Variants in RTL4 observed in about 807,000 individuals in gnomAD.
RTL4 encodes retrotransposon Gag-like protein 4.
In RTL4, 4 loss-of-function variants were observed where a neutral mutation model predicts 5.3. The ratio of observed to expected loss-of-function variants is 0.75; its 90% CI spans 0.37 to 1.72. RTL4 has a LOEUF of 1.72. Ranked by LOEUF, RTL4 falls within the 40% of genes most tolerant of loss-of-function variation. The pLI is 0.04. For synonymous variants in RTL4, 98 were observed against 87.3 expected (o/e 1.12, Z -0.68); for missense variants, 260 against 227.1 (o/e 1.14, Z -0.93).
chrX:112,429,974 T>C, the RTL4 span, among the ~76,000 whole-genome samples: 1 of 111,385 alleles, frequency 9.0e-6, no homozygotes, highest in African/African-American at 3.3e-5. Context: ...TGAGGATATT[T>C]ATTTATCTTT....
the RTL4 span, among the ~76,000 whole-genome samples, chrX:112,290,389 A>G: frequency 8.9e-6 from 1 of 112,046 alleles, no homozygotes; most frequent in African/African-American, 3.2e-5. Flanking sequence ...AAATTTAAAA[A>G]ACGAGGAAAG....
At chrX:112,248,322 A>G in the RTL4 span, among the ~76,000 whole-genome samples, 1 of 112,420 alleles carries the variant, frequency 8.9e-6, no homozygotes, top group South Asian at 3.7e-4. Context: ...TTGTTGAGCA[A>G]ATAATGTGCA....
the RTL4 span, among the ~76,000 whole-genome samples, chrX:112,235,543 A>G: frequency 3.6e-5 from 4 of 112,265 alleles, no homozygotes; most frequent in African/African-American, 1.3e-4. Context: ...ACAGAGTTTG[A>G]CTACACAGCA....
the RTL4 span, among the ~76,000 whole-genome samples, chrX:112,209,204 CAGAG>C: frequency 3.6e-5 from 4 of 112,405 alleles, no homozygotes; most frequent in Non-Finnish European, 7.5e-5. Flanking sequence ...TTTGACCACT[CAGAG>C]AGGTCCATCC....
chrX:112,190,710 C>T, the RTL4 span, among the ~76,000 whole-genome samples: 5 of 111,814 alleles, frequency 4.5e-5, no homozygotes, highest in Non-Finnish European at 9.4e-5. Context: ...ATATAATATC[C>T]GTTTGATTTC....
chrX:112,355,244 A>G, the RTL4 span, among the ~76,000 whole-genome samples: 1 of 111,457 alleles, frequency 9.0e-6, no homozygotes, highest in Admixed American at 9.6e-5. Flanking sequence ...TTGACAAAGT[A>G]GGCATTTTTA....
chrX:112,417,557 A>C, the RTL4 span, among the ~76,000 whole-genome samples: 50 of 111,861 alleles, frequency 4.5e-4, no homozygotes, highest in Admixed American at 7.6e-4. Flanking sequence ...TTCTTATAAA[A>C]GCCTGTATTT....
the RTL4 span, among the ~76,000 whole-genome samples, chrX:112,151,136 A>G: frequency 4.0e-4 from 45 of 112,578 alleles, no homozygotes; most frequent in African/African-American, 1.4e-3. Context: ...ATGGAAGGAT[A>G]TCATTCTCAA....
the RTL4 span, among the ~76,000 whole-genome samples, chrX:112,096,900 A>T: frequency 2.7e-5 from 3 of 112,513 alleles, no homozygotes; most frequent in Non-Finnish European, 5.6e-5. Context: ...GTAAGCGTTT[A>T]TTCTTTAGTG....
At chrX:112,312,749 A>G in the RTL4 span, among the ~76,000 whole-genome samples, 2 of 110,990 alleles carry the variant, frequency 1.8e-5, no homozygotes, top group East Asian at 5.7e-4. Context: ...TCTCATTTCA[A>G]TTTCCTGCAT....
the RTL4 span, among the ~76,000 whole-genome samples, chrX:112,083,743 C>T: frequency 2.7e-5 from 3 of 111,382 alleles, no homozygotes; most frequent in African/African-American, 9.8e-5. Context: ...TGAAGCACCT[C>T]TCCACTTCTT....
chrX:112,295,026 AC>A, the RTL4 span, among the ~76,000 whole-genome samples: 1 of 112,320 alleles, frequency 8.9e-6, no homozygotes, highest in Non-Finnish European at 1.9e-5. Context: ...CAACTTTAAA[AC>A]ACAATTTCTT....
At chrX:112,364,810 G>A in the RTL4 span, among the ~76,000 whole-genome samples, 2 of 112,056 alleles carry the variant, frequency 1.8e-5, no homozygotes, top group African/African-American at 6.5e-5. Flanking sequence ...CATTGGTATG[G>A]ACTAATTAAT....
At chrX:112,430,225 C>T in the RTL4 span, among the ~76,000 whole-genome samples, 1 of 110,908 alleles carries the variant, frequency 9.0e-6, no homozygotes. Context: ...ATATTCTGTT[C>T]TGGAGAGTTT....
At chrX:112,328,477 A>T in the RTL4 span, among the ~76,000 whole-genome samples, 1 of 111,716 alleles carries the variant, frequency 9.0e-6, no homozygotes, top group Non-Finnish European at 1.9e-5. Flanking sequence ...ATATATATGC[A>T]CCCAATACAG....
At chrX:112,440,266 T>C in the RTL4 span, among the ~76,000 whole-genome samples, 1 of 111,863 alleles carries the variant, frequency 8.9e-6, no homozygotes, top group Non-Finnish European at 1.9e-5. Flanking sequence ...TTCCATTCTG[T>C]TTCCTTCTTG....
the RTL4 span, among the ~76,000 whole-genome samples, chrX:112,122,947 T>G: frequency 9.0e-6 from 1 of 111,559 alleles, no homozygotes. Context: ...CCTTTGTTAA[T>G]TAGGAGAAAC....
the RTL4 span, among the ~76,000 whole-genome samples, chrX:112,110,113 A>G: frequency 1.8e-5 from 2 of 112,056 alleles, no homozygotes; most frequent in African/African-American, 3.2e-5. Context: ...GGGTGGTATA[A>G]GAGTTTGAAA....
the RTL4 span, among the ~76,000 whole-genome samples, chrX:112,322,915 A>G: frequency 8.9e-6 from 1 of 111,987 alleles, no homozygotes; most frequent in South Asian, 3.7e-4. Flanking sequence ...AATTAGATGT[A>G]CTATAATTTA....
Sources: gnomAD v4.1 joint callset for allele counts (sites outside exome capture counted in the v4.1 genomes callset) on GRCh38, gnomAD v4.1.1 for gene constraint, MANE v1.5 for transcripts, NCBI Gene and HGNC (gene_info 2026-07-23, HGNC 2026-07-21) for gene names.